Variants in SHROOM4 observed in about 807,000 individuals in gnomAD.
The protein encoded by SHROOM4 is shroom family member 4, also known as protein Shroom4.
In SHROOM4, 17 loss-of-function variants were observed where a neutral mutation model predicts 80.3. That is an observed-to-expected ratio of 0.21 (90% CI 0.14 to 0.32). SHROOM4 has a LOEUF of 0.32. SHROOM4 is among the 10% of genes least tolerant of loss of function. The pLI, the probability that SHROOM4 is intolerant of heterozygous loss-of-function variation, is 1.00. For missense variants in SHROOM4, 993 were observed against 1,140.3 expected (o/e 0.87, Z 1.86); for synonymous variants, 400 against 437.5 (o/e 0.91, Z 1.07).
chrX:50,652,547 T>C (rs1932141787), intron 2 of SHROOM4, among the ~76,000 whole-genome samples: 1 of 112,174 alleles, frequency 8.9e-6, no homozygotes, highest in Non-Finnish European at 1.9e-5. Flanking sequence ...TGATAGTTTC[T>C]TTTGCTGTGC....
chrX:50,685,235 A>G (rs952926497), intron 2 of SHROOM4, among the ~76,000 whole-genome samples: 21 of 111,750 alleles, frequency 1.9e-4, no homozygotes, highest in Admixed American at 1.7e-3. Context: ...CTGGGAATAA[A>G]AGAGGGAATT....
chrX:50,741,796 T>C (rs935398707), intron 1 of SHROOM4, among the ~76,000 whole-genome samples: 1 of 110,922 alleles, frequency 9.0e-6, no homozygotes, highest in Non-Finnish European at 1.9e-5. Context: ...TTGTTGTAGG[T>C]TGTTACCTGA....
At chrX:50,672,905 A>C (rs1453615491) in intron 2 of SHROOM4, among the ~76,000 whole-genome samples, 2 of 112,120 alleles carry the variant, frequency 1.8e-5, no homozygotes. Context: ...TACTGAAAGA[A>C]AAGAACTTTC....
intron 5 of SHROOM4, among the ~76,000 whole-genome samples, chrX:50,616,980 T>C (rs1402340446): frequency 2.7e-5 from 3 of 111,854 alleles, no homozygotes; most frequent in Non-Finnish European, 1.9e-5. Context: ...AAGGCAACAA[T>C]TGGGCCAATG....
chrX:50,799,780 G>A (rs1557272414), intron 1 of SHROOM4, among the ~76,000 whole-genome samples: 1 of 111,780 alleles, frequency 8.9e-6, no homozygotes, highest in Non-Finnish European at 1.9e-5. Context: ...GAGTTTCACT[G>A]AAGACACACA....
intron 4 of SHROOM4, among the ~76,000 whole-genome samples, chrX:50,629,885 T>C (rs1930975090): frequency 9.0e-6 from 1 of 110,680 alleles, no homozygotes; most frequent in Admixed American, 9.7e-5. Context: ...ATCAGAGCGA[T>C]GGCATCTTAA....
intron 1 of SHROOM4, among the ~76,000 whole-genome samples, chrX:50,749,145 G>C (rs1244885358): frequency 8.9e-6 from 1 of 112,143 alleles, no homozygotes; most frequent in African/African-American, 3.2e-5. Context: ...CCAGGAGATG[G>C]AGGCTGCAGT....
In SHROOM4 at chrX:50,637,583, C is replaced by G. The variant is rs140203140; in HGVS notation, c.404+591G>C. On this transcript the variant is annotated intron_variant, in intron 3 of 8. Coordinates refer to ENST00000376020, the MANE Select transcript of SHROOM4 (RefSeq NM_020717.5). ...GGGGTAAACGCAACCCTTAGTTTCT[C>G]TGAACCTGCAACAGAAATCCCTTCT... Among the ~76,000 whole-genome samples, 201 of 112,744 alleles carry G rather than the reference C, an allele frequency of 1.8e-3. 1 individual carries two copies. Among genetic ancestry groups the G allele is most frequent in the Admixed American group, 0.011 (117 of 10,714 alleles).
At chrX:50,704,418 G>T (rs782396465) in intron 1 of SHROOM4, among the ~76,000 whole-genome samples, 1 of 111,638 alleles carries the variant, frequency 9.0e-6, no homozygotes, top group Non-Finnish European at 1.9e-5. Context: ...GATCAAAAAT[G>T]CCTTTTTAAC....
intron 1 of SHROOM4, among the ~76,000 whole-genome samples, chrX:50,805,231 C>A (rs1325946638): frequency 8.9e-6 from 1 of 111,768 alleles, no homozygotes; most frequent in Non-Finnish European, 1.9e-5. Flanking sequence ...GTCAAACCAG[C>A]TTTACTTCTA....
Position 50,813,987 on chromosome X carries a change from A to C in SHROOM4, c.32T>G (p.Val11Gly), listed in dbSNP as rs782154437. The C allele has an allele frequency of 2.5e-6, 3 of 1,208,730 alleles. No individual in the cohort carries two copies. The highest frequency in any genetic ancestry group is 3.4e-6 in the Non-Finnish European group (3 of 893,854). ...TGCCCCCCCTTGCAGCTGCACAGGGACGTACTGGAAGGACCCAGGCCGGTT... is the reference window on the plus strand; with the variant it reads ...TGCCCCCCCTTGCAGCTGCACAGGGCCGTACTGGAAGGACCCAGGCCGGTT... Reference protein sequence around the residue: MENRPGSFQYVPVQLQGGAPW... With the variant: MENRPGSFQYGPVQLQGGAPW... Residue 11 changes from valine to glycine, a missense_variant, in exon 1 of 9, where the codon GTC (valine) becomes GGC (glycine). Physicochemically the swap from Val to Gly is moderately radical, Grantham distance 109. Coordinates refer to ENST00000376020, the MANE Select transcript of SHROOM4 (RefSeq NM_020717.5).
chrX:50,642,799 C>T (rs1235621512), intron 2 of SHROOM4, among the ~76,000 whole-genome samples: 1 of 111,713 alleles, frequency 9.0e-6, no homozygotes, highest in Non-Finnish European at 1.9e-5. Context: ...AAATGGAGAA[C>T]CAGAGATGCA....
intron 2 of SHROOM4, among the ~76,000 whole-genome samples, chrX:50,667,126 C>T (rs1932717474): frequency 9.0e-6 from 1 of 111,065 alleles, no homozygotes; most frequent in South Asian, 3.8e-4. Flanking sequence ...GCCTGATGTC[C>T]AAAAAGTCGG....
At chrX:50,636,601 C>A (rs782381777) in intron 3 of SHROOM4, among the ~76,000 whole-genome samples, 1 of 111,397 alleles carries the variant, frequency 9.0e-6, no homozygotes, top group South Asian at 3.9e-4. Flanking sequence ...GAACTCATCA[C>A]CTGGGAAGTG....
rs970510116 is a variant in SHROOM4 at position 50,594,649 on chromosome X, C to T, written c.*2046G>A. ...TCAGCCTCATCCTCCCAATACAGGA[C>T]ATCTCAATTTGCTCATTGTTTGTCC... On this transcript the variant is annotated 3_prime_UTR_variant, in exon 9 of 9. Transcript: ENST00000376020. 9.0e-6 allele frequency: 1 copy of T among 111,566 alleles called. No homozygotes were observed. Among genetic ancestry groups the T allele is most frequent in the Admixed American group, 9.5e-5 (1 of 10,515 alleles). The allele number at this position is 111,566 out of a possible 1,213,427, so 9.2% of individuals were successfully genotyped here. A position where few individuals can be genotyped will look rare whatever the true frequency, so the allele number is the denominator to read the frequency against.
chrX:50,603,162 A>G, intron 6 of SHROOM4, among the ~76,000 whole-genome samples: 1 of 111,294 alleles, frequency 9.0e-6, no homozygotes, highest in East Asian at 2.9e-4. Context: ...TGTGGATCCC[A>G]AAGTAGGGGC....
intron 2 of SHROOM4, among the ~76,000 whole-genome samples, chrX:50,673,524 A>G (rs1301698860): frequency 9.0e-6 from 1 of 111,591 alleles, no homozygotes; most frequent in Non-Finnish European, 1.9e-5. Context: ...AGAGAAAACA[A>G]AACAAGATTT....
In SHROOM4 at chrX:50,693,514, C is replaced by T. The variant is rs180976446; in HGVS notation, c.269+2272G>A. On this transcript the variant is annotated intron_variant, in intron 2 of 8. Transcript: ENST00000376020. Reference sequence around the variant, plus strand: ...CTGGGAGGCGGAGGTTGCAGTTAGCCGAGATCATGCCACTGCACTCCAGCC... The same window carrying T: ...CTGGGAGGCGGAGGTTGCAGTTAGCTGAGATCATGCCACTGCACTCCAGCC... Among the ~76,000 whole-genome samples the T allele has an allele frequency of 2.7e-3, 283 of 105,202 alleles. 3 individuals are homozygous for T. The highest frequency in any genetic ancestry group is 1.4e-3 in the Non-Finnish European group (72 of 51,379). The allele number at this position is 105,202 out of a possible 115,157, so 91.4% of individuals were successfully genotyped here.
Position 50,635,280 on chromosome X carries a change from C to T in SHROOM4, c.793G>A (p.Gly265Arg), listed in dbSNP as rs1557255681. 8.3e-7 allele frequency: 1 copy of T among 1,201,589 alleles called. No individual in the cohort carries two copies. Among genetic ancestry groups the T allele is most frequent in the African/African-American group, 1.7e-5 (1 of 57,716 alleles). ...GGGCCCCTGACTGCTTTGGCGGGCC[C>T]TGACTGGTATCCCTCCTGTGGACGG... ...SSRPQEGYQS[G>R]PAKAVRGPPQ... is the part of the protein sequence containing the mutation. Residue 265 changes from glycine (G) to arginine (R), a missense_variant, in exon 4 of 9, where the codon GGG becomes AGG. By Grantham distance (125) the Gly-to-Arg change is moderately radical (BLOSUM62 -2). Transcript: ENST00000376020.
Sources: allele counts gnomAD v4.1 joint callset (sites outside exome capture counted in the v4.1 genomes callset), GRCh38; gene constraint gnomAD v4.1.1; transcripts MANE v1.5; gene names NCBI Gene and HGNC (gene_info 2026-07-23, HGNC 2026-07-21).